Variants in NEDD4L observed in about 807,000 individuals in gnomAD.
NEDD4L encodes NEDD4 like E3 ubiquitin protein ligase, also known as E3 ubiquitin-protein ligase NEDD4-like.
In NEDD4L, 54 loss-of-function variants were observed where a neutral mutation model predicts 148.9. The ratio of observed to expected loss-of-function variants is 0.36; its 90% CI spans 0.29 to 0.45. NEDD4L has a LOEUF of 0.45. Ranked by LOEUF, NEDD4L falls within the 20% of genes least tolerant of loss-of-function variation. The probability of loss-of-function intolerance (pLI) is 1.00; values close to 1 mark genes in which losing one functional copy is unlikely to be tolerated. For synonymous variants in NEDD4L, 433 were observed against 440.7 expected, an observed-to-expected ratio of 0.98 and a Z score of 0.22; for missense variants, 856 against 1,233.8, an observed-to-expected ratio of 0.69 and a Z score of 4.59.
chr18:58,379,832 C>T (rs1453669675), intron 24 of NEDD4L, among the ~76,000 whole-genome samples: 3 of 151,978 alleles, frequency 2.0e-5, no homozygotes, highest in South Asian at 2.1e-4. Flanking sequence ...TTCTGTACCA[C>T]GGAGGGCTCG....
chr18:58,124,060 T>C (rs745392402), intron 1 of NEDD4L, among the ~76,000 whole-genome samples: 1 of 152,186 alleles, frequency 6.6e-6, no homozygotes, highest in Non-Finnish European at 1.5e-5. Context: ...TGTGCCTCAC[T>C]CCGTAGAAAG....
chr18:58,225,081 CTT>C (rs1011497067), intron 2 of NEDD4L, among the ~76,000 whole-genome samples: 3 of 151,944 alleles, frequency 2.0e-5, no homozygotes, highest in African/African-American at 7.3e-5. Context: ...AAAAAAGTCA[CTT>C]AGCTTGAAAT....
At chr18:58,395,957 A>G (rs768460746) in intron 30 of NEDD4L, among the ~76,000 whole-genome samples, 1 of 152,174 alleles carries the variant, frequency 6.6e-6, no homozygotes, top group African/African-American at 2.4e-5. Context: ...GGTTTCATGG[A>G]CCATTTGAAA....
intron 2 of NEDD4L, among the ~76,000 whole-genome samples, chr18:58,242,575 G>A (rs982914884): frequency 6.6e-6 from 1 of 151,890 alleles, no homozygotes; most frequent in African/African-American, 2.4e-5. Flanking sequence ...ATCTCGGTTC[G>A]CTGCAGCCTC....
chr18:58,294,626 A>AT (rs1189523136), intron 5 of NEDD4L, among the ~76,000 whole-genome samples: 2 of 149,692 alleles, frequency 1.3e-5, no homozygotes, highest in African/African-American at 4.9e-5. Context: ...TTTGCCTTTT[A>AT]TTTTTTGAGC....
Position 58,260,888 on chromosome 18 carries a change from G to T in NEDD4L, c.297+8834G>T, listed in dbSNP as rs551344777. 5.9e-5 allele frequency among the ~76,000 whole-genome samples: 9 copies of T among 152,282 alleles called. No homozygotes were observed. The South Asian group carries it at 1.7e-3, about 28-fold the overall frequency. Reference sequence around the variant, plus strand: ...CTAGCTTTTGGTCCTGGAGTACTTAGACTCCCTCTCTAAGCCTATTCCTCA... The same window carrying T: ...CTAGCTTTTGGTCCTGGAGTACTTATACTCCCTCTCTAAGCCTATTCCTCA... On this transcript the variant is annotated intron_variant, in intron 5 of 30. Transcript: ENST00000400345.
chr18:58,081,682 A>G (rs2083442256), intron 1 of NEDD4L, among the ~76,000 whole-genome samples: 2 of 152,090 alleles, frequency 1.3e-5, no homozygotes, highest in Non-Finnish European at 2.9e-5. Context: ...GCCTTGATTT[A>G]TGTTTTGTTT....
rs1452667399 is a variant in NEDD4L, at chr18:58,330,794, T to A, written c.870T>A (p.Ala290=). 1 of 1,613,678 alleles carries A rather than the reference T, an allele frequency of 6.2e-7. No homozygotes were observed. The highest frequency in any genetic ancestry group is 1.3e-5 in the African/African-American group (1 of 75,002). ...VNIAGDSLGL[A]LPPPPASPGS... is the part of the protein sequence containing the mutation. Reference sequence around the variant, plus strand: ...TCGCTGGAGACTCTCTCGGTCTGGCTCTGCCCCCACCACCGGCCTCCCCAG... The same window carrying A: ...TCGCTGGAGACTCTCTCGGTCTGGCACTGCCCCCACCACCGGCCTCCCCAG... Residue 290 remains alanine, a synonymous_variant, in exon 11 of 31, where the codon GCT becomes GCA. Coordinates refer to ENST00000400345, the MANE Select transcript of NEDD4L (RefSeq NM_001144967.3).
At chr18:58,367,915 T>C in intron 22 of NEDD4L, 48 bp downstream of exon 22, 1 of 1,604,814 alleles carries the variant, frequency 6.2e-7, no homozygotes, top group Non-Finnish European at 8.5e-7. Context: ...TGCGGTTTGC[T>C]AGTAGGTGTC....
chr18:58,387,703 G>C, intron 27 of NEDD4L: 1 of 522,948 alleles, frequency 1.9e-6, no homozygotes. Context: ...CAATGTAGGA[G>C]TAAGGAACAG....
At chr18:58,142,858 A>G (rs1050683804) in intron 1 of NEDD4L, among the ~76,000 whole-genome samples, 2 of 152,054 alleles carry the variant, frequency 1.3e-5, no homozygotes, top group African/African-American at 4.8e-5. Context: ...ATTTTTAAAT[A>G]TTAATATTAA....
intron 2 of NEDD4L, among the ~76,000 whole-genome samples, chr18:58,225,029 GT>G (rs554532189): frequency 5.5e-4 from 84 of 152,186 alleles, no homozygotes; most frequent in African/African-American, 2.0e-3. Flanking sequence ...CAGGTGAGTG[GT>G]TTCTCTGTGT....
At chr18:58,259,997 T>A (rs558404652) in intron 5 of NEDD4L, among the ~76,000 whole-genome samples, 1 of 152,358 alleles carries the variant, frequency 6.6e-6, no homozygotes, top group African/African-American at 2.4e-5. Context: ...TATTAGTCGA[T>A]GTCTGTTTTT....
chr18:58,053,818 C>T (rs28568337), intron 1 of NEDD4L, among the ~76,000 whole-genome samples: 77,463 of 152,094 alleles, frequency 0.51, 22,159 homozygotes, highest in East Asian at 0.85. Context: ...CCTAGCTGAC[C>T]GGAGGTTGCA....
At chr18:58,077,899 C>A (rs1189610700) in intron 1 of NEDD4L, among the ~76,000 whole-genome samples, 1 of 152,040 alleles carries the variant, frequency 6.6e-6, no homozygotes, top group Non-Finnish European at 1.5e-5. Context: ...CACCAGGGGG[C>A]ATCTAGTGAT....
At chr18:58,313,283 A>G (rs1217855198) in intron 5 of NEDD4L, among the ~76,000 whole-genome samples, 1 of 152,228 alleles carries the variant, frequency 6.6e-6, no homozygotes, top group Non-Finnish European at 1.5e-5. Context: ...TTTTAACATC[A>G]TGAGAAAACG....
At chr18:58,204,767 A>T (rs992029669) in intron 2 of NEDD4L, among the ~76,000 whole-genome samples, 3 of 152,228 alleles carry the variant, frequency 2.0e-5, no homozygotes, top group African/African-American at 7.2e-5. Context: ...AAAAGGTTTT[A>T]TATGTATTGT....
intron 3 of NEDD4L, among the ~76,000 whole-genome samples, chr18:58,247,932 T>C (rs1384198968): frequency 6.6e-6 from 1 of 152,224 alleles, no homozygotes; most frequent in Admixed American, 6.5e-5. Context: ...AAGTGCTGAA[T>C]TTTTGAAAAC....
Position 58,088,213 on chromosome 18 carries a change from A to G in NEDD4L, c.48+43505A>G, listed in dbSNP as rs181013766. The stretch of plus-strand genomic sequence containing the variant: ...GAAAGCTGCAGTGTCATTTTATCAC[A>G]TAATCCCAGAAGTAACACTCTGTCA... On this transcript the variant is annotated intron_variant, in intron 1 of 30. Coordinates refer to ENST00000400345, the MANE Select transcript of NEDD4L (RefSeq NM_001144967.3). Among the ~76,000 whole-genome samples, 55 of 152,346 alleles carry G rather than the reference A, an allele frequency of 3.6e-4. 1 individual carries two copies. In the East Asian group the frequency reaches 9.4e-3, roughly 26 times the overall value.
Sources: allele counts gnomAD v4.1 joint callset (sites outside exome capture counted in the v4.1 genomes callset), GRCh38; gene constraint gnomAD v4.1.1; transcripts MANE v1.5; gene names NCBI Gene and HGNC (gene_info 2026-07-23, HGNC 2026-07-21).